Variants in SCN7A observed in about 807,000 individuals in gnomAD.
SCN7A encodes the protein sodium channel protein type 7 subunit alpha.
In SCN7A, 138 loss-of-function variants were observed where a neutral mutation model predicts 155.2. That is an observed-to-expected ratio of 0.89 (90% CI 0.77 to 1.02). SCN7A has a LOEUF of 1.02. Among genes scored for constraint, SCN7A ranks in the 50% least tolerant of loss-of-function variants. SCN7A has a pLI of 0.00. For missense variants in SCN7A, 2,058 were observed against 1,986.6 expected (o/e 1.04, Z -0.68); for synonymous variants, 693 against 649.0 (o/e 1.07, Z -1.03).
chr2:166,432,398 T>C lies in SCN7A; in HGVS notation c.2512A>G (p.Ile838Val), dbSNP rs769702407. The C allele has an allele frequency of 4.3e-6, 7 of 1,613,532 alleles. No homozygotes were observed. In the South Asian group the frequency reaches 4.4e-5, roughly 10 times the overall value. ...PSPSVSETVP[I>V]ASGESDIENL... ...TCTATATCAGATTCTCCTGAAGCAA[T>C]TGGTACAGTTTCTGAGACACTAGGA... The change falls in exon 16 of 26, where the codon ATT becomes GTT. Residue 838 changes from isoleucine (I) to valine (V), a missense_variant. Physicochemically the swap from Ile to Val is conservative, Grantham distance 29. Transcript: ENST00000643258.
At chr2:166,473,957 T>C in intron 4 of SCN7A, 69 bp from the exon 5 acceptor site, 1 of 800,296 alleles carries the variant, frequency 1.2e-6, no homozygotes, top group Non-Finnish European at 1.9e-6. Flanking sequence ...TGATATATAT[T>C]TCTTAAATGT....
At chr2:166,457,129 G>T in intron 10 of SCN7A, 53 bp from the exon 11 acceptor site, 1 of 1,297,654 alleles carries the variant, frequency 7.7e-7, no homozygotes, top group Non-Finnish European at 1.1e-6. Flanking sequence ...TTATCTTCCA[G>T]GATTCTCCTA....
intron 19 of SCN7A, among the ~76,000 whole-genome samples, chr2:166,422,634 G>A (rs1371530965): frequency 6.6e-6 from 1 of 152,130 alleles, no homozygotes; most frequent in Non-Finnish European, 1.5e-5. Flanking sequence ...ACAGGGGGAA[G>A]GAAGCATAGC....
intron 3 of SCN7A, among the ~76,000 whole-genome samples, chr2:166,475,777 A>C (rs1702783721): frequency 6.6e-6 from 1 of 151,986 alleles, no homozygotes; most frequent in Non-Finnish European, 1.5e-5. Context: ...ATTTTATGCC[A>C]CTTTTAACAG....
intron 10 of SCN7A, among the ~76,000 whole-genome samples, chr2:166,460,538 A>G (rs1559116750): frequency 6.6e-6 from 1 of 152,152 alleles, no homozygotes; most frequent in Admixed American, 6.5e-5. Context: ...ATCTAAGGAA[A>G]GTATAGTGAA....
intron 7 of SCN7A, among the ~76,000 whole-genome samples, chr2:166,470,090 C>T (rs1332749557): frequency 6.6e-6 from 1 of 151,904 alleles, no homozygotes; most frequent in South Asian, 2.1e-4. Flanking sequence ...GAAATGGGAG[C>T]TGTAACTTAG....
chr2:166,446,326 T>C (rs1702061435), intron 12 of SCN7A, among the ~76,000 whole-genome samples: 1 of 152,140 alleles, frequency 6.6e-6, no homozygotes, highest in African/African-American at 2.4e-5. Flanking sequence ...TGAGACACCA[T>C]TTCACGCCTG....
At chr2:166,485,921 C>G (rs1350410761) in intron 2 of SCN7A, among the ~76,000 whole-genome samples, 2 of 152,138 alleles carry the variant, frequency 1.3e-5, no homozygotes, top group African/African-American at 4.8e-5. Context: ...AAATCCTTGA[C>G]CAAAAATTCC....
chr2:166,443,016 T>C (rs1485010574), intron 14 of SCN7A, among the ~76,000 whole-genome samples: 5 of 152,178 alleles, frequency 3.3e-5, no homozygotes, highest in Non-Finnish European at 7.4e-5. Context: ...ATAAACAATA[T>C]TCTCATAACG....
Position 166,441,717 on chromosome 2 carries a change from T to A in SCN7A, c.1836A>T (p.Thr612=). 6.2e-7 allele frequency: 1 copy of A among 1,611,300 alleles called. No individual in the cohort carries two copies. The highest frequency in any genetic ancestry group is 1.1e-5 in the South Asian group (1 of 90,594). Residue 612 remains threonine, a synonymous_variant, in exon 15 of 26, where the codon ACA becomes ACT. Coordinates refer to ENST00000643258, the MANE Select transcript of SCN7A (RefSeq NM_002976.4). ...TAAGAGACCACATCAAAATCTGGAA[T>A]GTTGGCCAATACTTTCCCAACTTGA... The part of the protein sequence containing the change: ...RIFKLGKYWP[T]FQILMWSLSN...
chr2:166,413,021 A>G lies in SCN7A; in HGVS notation c.3468+47T>C. ...GTCCTGTGCTCGAATTGCAAAAATG[A>G]CTTTGCTTGTATCCTAACAATGGCT... is the stretch of plus-strand genomic sequence containing the variant. On this transcript the variant is annotated intron_variant, in intron 22 of 25. Coordinates refer to ENST00000643258, the MANE Select transcript of SCN7A (RefSeq NM_002976.4). 3.0e-6 allele frequency: 4 copies of G among 1,335,412 alleles called. No homozygotes were observed. In the South Asian group the frequency reaches 5.4e-5, roughly 18 times the overall value. The allele number at this position is 1,335,412 out of a possible 1,614,324, so 82.7% of individuals were successfully genotyped here.
chr2:166,419,944 T>C (rs7587041), intron 20 of SCN7A, among the ~76,000 whole-genome samples: 7,027 of 152,234 alleles, frequency 0.046, 178 homozygotes, highest in African/African-American at 0.061. Flanking sequence ...AAATCAAATG[T>C]ATTTAAGAAA....
chr2:166,462,151 CT>C, intron 10 of SCN7A: 1 of 338,532 alleles, frequency 3.0e-6, no homozygotes, highest in Non-Finnish European at 5.3e-6. Context: ...TCTCTCCTCT[CT>C]TCTCTCTCTC....
At chr2:166,449,347 A>G (rs1575036682) in intron 11 of SCN7A, among the ~76,000 whole-genome samples, 2 of 152,148 alleles carry the variant, frequency 1.3e-5, no homozygotes, top group Non-Finnish European at 1.5e-5. Flanking sequence ...TAACTGACAT[A>G]GGGGCTGCCA....
intron 17 of SCN7A, among the ~76,000 whole-genome samples, chr2:166,428,156 A>G (rs1046564428): frequency 7.2e-5 from 11 of 152,106 alleles, no homozygotes; most frequent in African/African-American, 2.7e-4. Context: ...GTTCGGTAGT[A>G]ATGAAAGAAA....
At chr2:166,438,369 A>G (rs931346472) in intron 15 of SCN7A, among the ~76,000 whole-genome samples, 2 of 152,162 alleles carry the variant, frequency 1.3e-5, no homozygotes, top group African/African-American at 4.8e-5. Flanking sequence ...GAGTCAATTA[A>G]ACCTCTTTAC....
At chr2:166,414,856 AATATATAATATATATTAT>A (rs1701328957) in intron 21 of SCN7A, 2 of 126,640 alleles carry the variant, frequency 1.6e-5, no homozygotes, top group African/African-American at 6.2e-5. Context: ...TAGGATATAT[AATATATAATATATATTAT>A]ATAGGATAAT....
rs752225610 is a variant in SCN7A at position 166,406,566 on chromosome 2, G to C, written c.4063C>G (p.His1355Asp). 6 of 1,612,862 alleles carry C rather than the reference G, an allele frequency of 3.7e-6. No homozygotes were observed. The highest frequency in any genetic ancestry group is 5.1e-6 in the Non-Finnish European group (6 of 1,179,224). The part of the protein sequence containing the change: ...VQLILLSRII[H>D]MLRLGKGPKV... ...GGTCCTTTTCCAAGACGCAGCATGT[G>C]AATGATCCGTGAGAGAAGTATCAGT... Residue 1355 changes from histidine to aspartate, a missense_variant, in exon 26 of 26, where the codon CAC (histidine) becomes GAC (aspartate). Coordinates refer to ENST00000643258, the MANE Select transcript of SCN7A (RefSeq NM_002976.4).
chr2:166,413,168 A>G, intron 21 of SCN7A, 47 bp from the exon 22 acceptor site: 2 of 1,183,284 alleles, frequency 1.7e-6, no homozygotes, highest in South Asian at 2.9e-5. Flanking sequence ...TGGCAAATAA[A>G]AAGTAAAATC....
Sources: gnomAD v4.1 joint callset for allele counts (sites outside exome capture counted in the v4.1 genomes callset) on GRCh38, gnomAD v4.1.1 for gene constraint, MANE v1.5 for transcripts, NCBI Gene and HGNC (gene_info 2026-07-23, HGNC 2026-07-21) for gene names.